Variants in CCDC172 observed in about 807,000 individuals in gnomAD.
CCDC172 encodes coiled-coil domain containing 172.
In CCDC172, 30 loss-of-function variants were observed where a neutral mutation model predicts 38.0. That is an observed-to-expected ratio of 0.79 (90% CI 0.59 to 1.07). CCDC172 has a LOEUF of 1.07. Ranked by LOEUF, CCDC172 falls within the 50% of genes least tolerant of loss-of-function variation. CCDC172 has a pLI of 0.00. For synonymous variants in CCDC172, 78 were observed against 88.3 expected (o/e 0.88, Z 0.66); for missense variants, 297 against 290.1 (o/e 1.02, Z -0.17).
chr10:116,378,355 CCT>C lies in CCDC172; in HGVS notation c.654-63_654-62del, dbSNP rs1300568566. The stretch of plus-strand genomic sequence containing the variant: ...TGATTATAGAAGCTACAAACTTGTC[CCT>C]CTCTGTGCAGTAATACAATTACAGT... On this transcript the variant is annotated intron_variant, in intron 7 of 8. Coordinates refer to ENST00000333254, the MANE Select transcript of CCDC172 (RefSeq NM_198515.3). 2.1e-6 allele frequency: 3 copies of C among 1,416,374 alleles called. No individual in the cohort carries two copies. The African/African-American group carries it at 4.5e-5, about 21-fold the overall frequency. The allele number at this position is 1,416,374 out of a possible 1,614,324, so 87.7% of individuals were successfully genotyped here.
chr10:116,360,929 T>C (rs549308661), intron 7 of CCDC172, among the ~76,000 whole-genome samples: 2 of 152,094 alleles, frequency 1.3e-5, no homozygotes, highest in Non-Finnish European at 2.9e-5. Context: ...CAGTAATAAA[T>C]GTGACATTTA....
At chr10:116,363,547 G>A (rs145000903) in intron 7 of CCDC172, among the ~76,000 whole-genome samples, 5 of 152,168 alleles carry the variant, frequency 3.3e-5, no homozygotes, top group Non-Finnish European at 5.9e-5. Flanking sequence ...GTCAGTCCAT[G>A]GAAAAACCAG....
rs1164774680 is a variant in CCDC172, at chr10:116,324,931, T to C, written c.-65-16T>C. 2 of 1,152,372 alleles carry C rather than the reference T, an allele frequency of 1.7e-6. No homozygotes were observed. The highest frequency in any genetic ancestry group is 1.8e-5 in the Admixed American group (1 of 55,732). The allele number at this position is 1,152,372 out of a possible 1,614,324, so 71.4% of individuals were successfully genotyped here. A position where few individuals can be genotyped will look rare whatever the true frequency, so the allele number is the denominator to read the frequency against. Reference sequence around the variant, plus strand: ...ATGGTTCTAGAAGAATCCATCTTCTTTATTCTGCTTTCCAGGATCCTCAGA... The same window carrying C: ...ATGGTTCTAGAAGAATCCATCTTCTCTATTCTGCTTTCCAGGATCCTCAGA... On this transcript the variant is annotated splice_polypyrimidine_tract_variant and intron_variant, in intron 1 of 8. Coordinates refer to ENST00000333254, the MANE Select transcript of CCDC172 (RefSeq NM_198515.3).
At chr10:116,329,367 C>T (rs1402486794) in intron 3 of CCDC172, among the ~76,000 whole-genome samples, 1 of 152,082 alleles carries the variant, frequency 6.6e-6, no homozygotes, top group East Asian at 1.9e-4. Flanking sequence ...GCCAATCATT[C>T]TTTGACCCCA....
At chr10:116,374,776 G>A (rs976025907) in intron 7 of CCDC172, among the ~76,000 whole-genome samples, 1 of 151,530 alleles carries the variant, frequency 6.6e-6, no homozygotes, top group Admixed American at 6.6e-5. Flanking sequence ...TATATTAAAT[G>A]AAAATGGTCT....
rs776590520 is a variant in CCDC172, at chr10:116,325,354, A to T, written c.131A>T (p.Glu44Val). The change falls in exon 3 of 9, where the codon GAG (glutamate) becomes GTG (valine). Residue 44 changes from glutamate to valine, a missense_variant. By Grantham distance (121) the Glu-to-Val change is moderately radical. Coordinates refer to ENST00000333254, the MANE Select transcript of CCDC172 (RefSeq NM_198515.3). ...GAAAAAATTAAGAAAGCAACGGAGG[A>T]GCTGAATGAAGAGAAAATCAAGCTG... Reference protein sequence around the residue: ...CREKIKKATEELNEEKIKLES... With the variant: ...CREKIKKATEVLNEEKIKLES... The T allele has an allele frequency of 3.8e-5, 61 of 1,613,836 alleles. No individual in the cohort carries two copies. Among genetic ancestry groups the T allele is most frequent in the Non-Finnish European group, 5.1e-5 (60 of 1,179,908 alleles).
At chr10:116,324,656 C>T (rs1162785216) in intron 1 of CCDC172, 43 bp downstream of exon 1, 5 of 214,540 alleles carry the variant, frequency 2.3e-5, no homozygotes, top group Non-Finnish European at 2.8e-5. Flanking sequence ...GAAAAACAAA[C>T]CCAGGGAGGG....
At chr10:116,344,746 C>T (rs1844843763) in intron 5 of CCDC172, among the ~76,000 whole-genome samples, 3 of 151,834 alleles carry the variant, frequency 2.0e-5, no homozygotes, top group Non-Finnish European at 4.4e-5. Context: ...TTATTTTTGA[C>T]TCTTCTAATA....
chr10:116,325,097 G>A lies in CCDC172; in HGVS notation c.79+7G>A, dbSNP rs201027503. ...CGCCGTTTGATGCGAGAAGGTCGGG[G>A]TATTTCTGTCCTTTGCATGGGGCCT... On this transcript the variant is annotated splice_region_variant and intron_variant, in intron 2 of 8. Coordinates refer to ENST00000333254, the MANE Select transcript of CCDC172 (RefSeq NM_198515.3). The A allele has an allele frequency of 6.2e-5, 100 of 1,613,564 alleles. No homozygotes were observed. Among genetic ancestry groups the A allele is most frequent in the African/African-American group, 6.7e-5 (5 of 75,016 alleles).
At chr10:116,327,639 G>A (rs1200017234) in intron 3 of CCDC172, among the ~76,000 whole-genome samples, 2 of 152,044 alleles carry the variant, frequency 1.3e-5, no homozygotes, top group Non-Finnish European at 2.9e-5. Context: ...TCATAAGCAT[G>A]CATTGCTTTT....
chr10:116,373,630 A>T (rs1042715782), intron 7 of CCDC172, among the ~76,000 whole-genome samples: 1 of 152,028 alleles, frequency 6.6e-6, no homozygotes, highest in African/African-American at 2.4e-5. Flanking sequence ...TCAGCCACCC[A>T]AGTAGCTGGG....
At chr10:116,326,315 T>C (rs1844592082) in intron 3 of CCDC172, among the ~76,000 whole-genome samples, 1 of 152,148 alleles carries the variant, frequency 6.6e-6, no homozygotes, top group Non-Finnish European at 1.5e-5. Flanking sequence ...AAGCTAAGAA[T>C]ATTATTTAAG....
chr10:116,347,759 A>T (rs1844884618), intron 5 of CCDC172, among the ~76,000 whole-genome samples: 1 of 152,192 alleles, frequency 6.6e-6, no homozygotes, highest in South Asian at 2.1e-4. Context: ...ATATTGGAAA[A>T]CAAAGACAAA....
At chr10:116,340,961 A>G in intron 4 of CCDC172, 111 bp downstream of exon 4, 1 of 717,206 alleles carries the variant, frequency 1.4e-6, no homozygotes, top group Non-Finnish European at 2.5e-6. Flanking sequence ...AGCAGGTAGT[A>G]CTGCTCAGAT....
At chr10:116,346,979 G>A (rs1054065378) in intron 5 of CCDC172, among the ~76,000 whole-genome samples, 4 of 152,130 alleles carry the variant, frequency 2.6e-5, no homozygotes, top group Admixed American at 6.5e-5. Flanking sequence ...AACTGGACTA[G>A]GAAGTTAAGG....
At chr10:116,378,682 GTTC>G (rs1418711201) in intron 8 of CCDC172, among the ~76,000 whole-genome samples, 172 bp downstream of exon 8, 2 of 152,210 alleles carry the variant, frequency 1.3e-5, no homozygotes, top group African/African-American at 4.8e-5. Flanking sequence ...AGTGTTTTGA[GTTC>G]CTAGAGAGTT....
intron 3 of CCDC172, among the ~76,000 whole-genome samples, chr10:116,327,065 G>T (rs764142196): frequency 6.6e-6 from 1 of 152,134 alleles, no homozygotes; most frequent in African/African-American, 2.4e-5. Context: ...CTTACTGTAT[G>T]CAGGGGCACT....
chr10:116,349,214 A>G (rs1191453590), intron 5 of CCDC172, among the ~76,000 whole-genome samples: 1 of 152,168 alleles, frequency 6.6e-6, no homozygotes, highest in East Asian at 1.9e-4. Context: ...CACTGATTCT[A>G]CATTATGGTG....
At chr10:116,379,250 A>T in intron 8 of CCDC172, 73 bp from the exon 9 acceptor site, 1 of 753,314 alleles carries the variant, frequency 1.3e-6, no homozygotes, top group Non-Finnish European at 2.1e-6. Flanking sequence ...CATTAAATTT[A>T]GGTACATTTT....
Sources: allele counts gnomAD v4.1 joint callset (sites outside exome capture counted in the v4.1 genomes callset), GRCh38; gene constraint gnomAD v4.1.1; transcripts MANE v1.5; gene names NCBI Gene and HGNC (gene_info 2026-07-23, HGNC 2026-07-21).